The following EEPD1 variants were observed in gnomAD, a reference collection of about 807,000 sequenced individuals.
The protein encoded by EEPD1 is endonuclease/exonuclease/phosphatase family domain containing 1, also known as endonuclease/exonuclease/phosphatase family domain-containing protein 1.
EEPD1 carries 17 observed loss-of-function variants against 46.3 expected under a neutral mutation model. The observed-to-expected ratio is 0.37, with a 90% CI of 0.25 to 0.55. The LOEUF (loss-of-function observed/expected upper bound fraction) is 0.55, where lower values mean the gene tolerates loss of function less well. Among genes scored for constraint, EEPD1 ranks in the 20% least tolerant of loss-of-function variants. The pLI is 0.83. For synonymous variants in EEPD1, 313 were observed against 315.6 expected, an observed-to-expected ratio of 0.99 and a Z score of 0.09; for missense variants, 673 against 745.6, an observed-to-expected ratio of 0.90 and a Z score of 1.13.
intron 3 of EEPD1, among the ~76,000 whole-genome samples, chr7:36,260,866 G>A (rs1342324570): frequency 6.6e-6 from 1 of 152,158 alleles, no homozygotes; most frequent in African/African-American, 2.4e-5. Flanking sequence ...TACTGAACTT[G>A]TACAGACTTT....
At chr7:36,241,580 G>C (rs557216116) in intron 3 of EEPD1, among the ~76,000 whole-genome samples, 1 of 152,140 alleles carries the variant, frequency 6.6e-6, no homozygotes, top group African/African-American at 2.4e-5. Flanking sequence ...AAAAATAACA[G>C]TTATGACTGG....
chr7:36,191,230 T>C (rs1231435533), intron 2 of EEPD1, among the ~76,000 whole-genome samples: 1 of 152,206 alleles, frequency 6.6e-6, no homozygotes, highest in African/African-American at 2.4e-5. Context: ...ATTGAGCATG[T>C]GCTTAAAATG....
At chr7:36,174,727 G>A (rs1453123757) in intron 2 of EEPD1, among the ~76,000 whole-genome samples, 2 of 152,218 alleles carry the variant, frequency 1.3e-5, no homozygotes, top group African/African-American at 4.8e-5. Flanking sequence ...CCCTGTACAA[G>A]TGTGGATACC....
At chr7:36,261,046 G>A (rs1786913913) in intron 3 of EEPD1, among the ~76,000 whole-genome samples, 1 of 152,158 alleles carries the variant, frequency 6.6e-6, no homozygotes, top group African/African-American at 2.4e-5. Flanking sequence ...TGGTATTTGA[G>A]GGAGGTCCTG....
chr7:36,155,179 G>A lies in EEPD1; in HGVS notation c.855G>A (p.Val285=), dbSNP rs1382358184. 6.6e-7 allele frequency: 1 copy of A among 1,516,332 alleles called. No individual in the cohort carries two copies. Among genetic ancestry groups the A allele is most frequent in the South Asian group, 1.3e-5 (1 of 75,096 alleles). The allele number at this position is 1,516,332 out of a possible 1,614,324, so 93.9% of individuals were successfully genotyped here. ...ACAACCCCGGGGTGCGAGAGGTGGT[G>A]TGCATGACACTCCTGGAAAACAGGT... ...KANNPGVREV[V]CMTLLENSIK... is the part of the protein sequence containing the mutation. Residue 285 remains valine (V), a synonymous_variant, in exon 2 of 8, where the codon GTG becomes GTA. Coordinates refer to ENST00000242108, the MANE Select transcript of EEPD1 (RefSeq NM_030636.3).
intron 2 of EEPD1, among the ~76,000 whole-genome samples, chr7:36,234,671 CAAA>C (rs74272012): frequency 8.7e-5 from 10 of 114,942 alleles, no homozygotes; most frequent in Admixed American, 9.0e-5. Flanking sequence ...GACCCTGTCT[CAAA>C]AAAAAAAAAA....
intron 6 of EEPD1, among the ~76,000 whole-genome samples, chr7:36,288,779 A>G (rs1238526352): frequency 2.7e-5 from 4 of 150,436 alleles, no homozygotes; most frequent in Non-Finnish European, 4.4e-5. Flanking sequence ...AAAAAAAAAA[A>G]GGAGCTGAAC....
At chr7:36,155,563 CA>C (rs1400180125) in intron 2 of EEPD1, among the ~76,000 whole-genome samples, 1 of 152,124 alleles carries the variant, frequency 6.6e-6, no homozygotes, top group Non-Finnish European at 1.5e-5. Context: ...AGAAAGAGCT[CA>C]TTGGATTTTG....
intron 2 of EEPD1, among the ~76,000 whole-genome samples, chr7:36,210,674 C>T (rs180785194): frequency 7.6e-4 from 115 of 152,204 alleles, no homozygotes; most frequent in Non-Finnish European, 1.3e-3. Context: ...GTCCTGCCTT[C>T]CCTCTCCTCC....
intron 2 of EEPD1, among the ~76,000 whole-genome samples, chr7:36,157,648 G>T (rs185146111): frequency 6.6e-6 from 1 of 152,372 alleles, no homozygotes; most frequent in East Asian, 1.9e-4. Context: ...GGCCAAATGT[G>T]TTGGAGGTTG....
chr7:36,202,238 G>T (rs1200705897), intron 2 of EEPD1, among the ~76,000 whole-genome samples: 2 of 152,186 alleles, frequency 1.3e-5, no homozygotes, highest in African/African-American at 2.4e-5. Context: ...TGCAGGACAT[G>T]CATCATTCCC....
intron 2 of EEPD1, among the ~76,000 whole-genome samples, chr7:36,198,022 C>T (rs1443423721): frequency 1.3e-5 from 2 of 152,148 alleles, no homozygotes; most frequent in East Asian, 3.8e-4. Context: ...TCCAATACTA[C>T]CTTTTTCCAT....
intron 2 of EEPD1, among the ~76,000 whole-genome samples, chr7:36,223,821 G>A (rs1786187043): frequency 6.6e-6 from 1 of 152,150 alleles, no homozygotes; most frequent in Admixed American, 6.5e-5. Flanking sequence ...ACTTAGTTTA[G>A]CTTTAGAATC....
At chr7:36,221,577 C>A (rs1583817317) in intron 2 of EEPD1, among the ~76,000 whole-genome samples, 1 of 152,176 alleles carries the variant, frequency 6.6e-6, no homozygotes, top group East Asian at 1.9e-4. Flanking sequence ...CTCAGCAATT[C>A]CACCGTAACA....
At chr7:36,252,706 T>TA (rs1182829179) in intron 3 of EEPD1, among the ~76,000 whole-genome samples, 1 of 152,094 alleles carries the variant, frequency 6.6e-6, no homozygotes, top group African/African-American at 2.4e-5. Flanking sequence ...GAGGAGGAAC[T>TA]AGCTGTTGGT....
chr7:36,212,173 G>A (rs888827385), intron 2 of EEPD1, among the ~76,000 whole-genome samples: 1 of 152,140 alleles, frequency 6.6e-6, no homozygotes, highest in African/African-American at 2.4e-5. Context: ...TTTAACTTAC[G>A]GGTAATCAAA....
chr7:36,228,457 G>A (rs2057103385), intron 2 of EEPD1, among the ~76,000 whole-genome samples: 1 of 151,964 alleles, frequency 6.6e-6, no homozygotes, highest in African/African-American at 2.4e-5. Context: ...AACCTGGGAG[G>A]CAGAGGTTTC....
In EEPD1 at chr7:36,162,354, A is replaced by G. The variant is rs531484067; in HGVS notation, c.878+7152A>G. On this transcript the variant is annotated intron_variant, in intron 2 of 7. Coordinates refer to ENST00000242108, the MANE Select transcript of EEPD1 (RefSeq NM_030636.3). Reference sequence around the variant, plus strand: ...TTCTTGCAGACTCTTGAATAAAGAAAGCCTGGGTTGGCTGGGCACGGTGGC... The same window carrying G: ...TTCTTGCAGACTCTTGAATAAAGAAGGCCTGGGTTGGCTGGGCACGGTGGC... 4.6e-5 allele frequency among the ~76,000 whole-genome samples: 7 copies of G among 152,342 alleles called. No individual in the cohort carries two copies. In the South Asian group the frequency reaches 6.2e-4, roughly 14 times the overall value.
intron 2 of EEPD1, among the ~76,000 whole-genome samples, chr7:36,213,696 C>T (rs992743188): frequency 6.6e-6 from 1 of 152,180 alleles, no homozygotes; most frequent in African/African-American, 2.4e-5. Flanking sequence ...AAGACCTTTC[C>T]TGCCCACAGC....
Sources: allele counts gnomAD v4.1 joint callset (sites outside exome capture counted in the v4.1 genomes callset), GRCh38; gene constraint gnomAD v4.1.1; transcripts MANE v1.5; gene names NCBI Gene and HGNC (gene_info 2026-07-23, HGNC 2026-07-21).